PDPR: variants seen among roughly 807,000 people sequenced by gnomAD.
PDPR encodes pyruvate dehydrogenase phosphatase regulatory subunit.
Under a neutral mutation model 102.2 loss-of-function variants are expected in PDPR, and 50 were observed. That is an observed-to-expected ratio of 0.49 (90% CI 0.39 to 0.62). The LOEUF is 0.62. Among genes scored for constraint, PDPR ranks in the 20% least tolerant of loss-of-function variants. The pLI is 0.00. For synonymous variants in PDPR, 259 were observed against 406.0 expected (o/e 0.64, Z 4.35); for missense variants, 625 against 1,098.2 (o/e 0.57, Z 6.09).
At chr16:70,149,822 ACT>A (rs1966562670) in intron 17 of PDPR, among the ~76,000 whole-genome samples, 1 of 152,182 alleles carries the variant, frequency 6.6e-6, no homozygotes, top group African/African-American at 2.4e-5. Context: ...ACGGAGTCTC[ACT>A]CTGTCGCCCA....
chr16:70,142,190 A>G, intron 11 of PDPR, 44 bp from the exon 12 acceptor site: 1 of 1,599,762 alleles, frequency 6.3e-7, no homozygotes, highest in East Asian at 2.2e-5. Flanking sequence ...TCAGGTCTAG[A>G]ATCTGTGTCT....
intron 2 of PDPR, among the ~76,000 whole-genome samples, chr16:70,118,549 C>CT (rs1184854702): frequency 1.3e-5 from 2 of 152,214 alleles, no homozygotes; most frequent in Non-Finnish European, 2.9e-5. Context: ...CATTTGGCAG[C>CT]AGCAGTTCCC....
Position 70,156,510 on chromosome 16 carries a change from G to C in PDPR, c.2271G>C (p.Gln757His). 1 of 1,613,978 alleles carries C rather than the reference G, an allele frequency of 6.2e-7. No homozygotes were observed. Among genetic ancestry groups the C allele is most frequent in the Non-Finnish European group, 8.5e-7 (1 of 1,179,816 alleles). ...TCATTGGTCGCGACGCCCTCCTGCA[G>C]CAGAAGCAGAATGGAGTGTATAAAC... ...MDFIGRDALLQQKQNGVYKRL... is the reference protein window; with the variant it reads ...MDFIGRDALLHQKQNGVYKRL... The change falls in exon 19 of 19, where the codon CAG becomes CAC. Residue 757 changes from glutamine to histidine, a missense_variant. Gln to His is a conservative substitution (Grantham distance 24). Transcript: ENST00000288050.
At chr16:70,127,866 G>A (rs1176950396) in intron 4 of PDPR, among the ~76,000 whole-genome samples, 5 of 152,120 alleles carry the variant, frequency 3.3e-5, no homozygotes, top group Non-Finnish European at 7.3e-5. Flanking sequence ...GCAGGAGGCT[G>A]CCAGCTGGAG....
At chr16:70,139,638 A>G (rs1335720420) in intron 11 of PDPR, among the ~76,000 whole-genome samples, 1 of 152,266 alleles carries the variant, frequency 6.6e-6, no homozygotes, top group Non-Finnish European at 1.5e-5. Context: ...TGGCCACTTC[A>G]TCTTAATTTG....
intron 10 of PDPR, among the ~76,000 whole-genome samples, chr16:70,138,207 A>ATGTTTTTTTTTTTTTTTT: frequency 1.1e-5 from 1 of 94,044 alleles, no homozygotes; most frequent in East Asian, 3.5e-4. Context: ...ACGCCGGCTA[A>ATGTTTTTTTTTTTTTTTT]TTTTTTTTTT....
intron 9 of PDPR, among the ~76,000 whole-genome samples, chr16:70,134,275 G>T (rs1355764591): frequency 6.6e-6 from 1 of 151,912 alleles, no homozygotes. Context: ...GCCCAGGCTG[G>T]AGTGCAGTGG....
chr16:70,157,162 A>G lies in PDPR; in HGVS notation c.*283A>G, dbSNP rs1021461386. 4.7e-6 allele frequency: 3 copies of G among 641,776 alleles called. No individual in the cohort carries two copies. Among genetic ancestry groups the G allele is most frequent in the Non-Finnish European group, 8.6e-6 (3 of 349,520 alleles). The allele number at this position is 641,776 out of a possible 1,614,324, so 39.8% of individuals were successfully genotyped here. A position where few individuals can be genotyped will look rare whatever the true frequency, so the allele number is the denominator to read the frequency against. ...CAGGAGGTATGTCTGACAGGACAGA[A>G]GCAAGCTCCACTGTGGACATGAGTG... On this transcript the variant is annotated 3_prime_UTR_variant, in exon 19 of 19. Transcript: ENST00000288050.
At chr16:70,135,235 C>CTTTT in intron 9 of PDPR, among the ~76,000 whole-genome samples, 1 of 124,076 alleles carries the variant, frequency 8.1e-6, no homozygotes, top group African/African-American at 3.5e-5. Context: ...CAGAACATTG[C>CTTTT]CTTTTTTTTT....
intron 3 of PDPR, among the ~76,000 whole-genome samples, chr16:70,124,960 T>A (rs1405533133): frequency 6.6e-6 from 1 of 152,284 alleles, no homozygotes; most frequent in African/African-American, 2.4e-5. Context: ...ACTGGGTCTT[T>A]GGGCCCTAGC....
At position 70,120,176 on chromosome 16, in the gene PDPR, A is replaced by C. The variant is rs139936903; in HGVS notation, c.-32-285A>C. ...GTTATCCACTCGCCGCGGCCTCCCA[A>C]AGTGCTGGGATTACAGGTGTGAGCC... On this transcript the variant is annotated intron_variant, in intron 2 of 18. Transcript: ENST00000288050. 1.0e-4 allele frequency: 29 copies of C among 287,536 alleles called. 1 individual carries two copies. The highest frequency in any genetic ancestry group is 6.0e-4 in the African/African-American group (27 of 45,292). 17.8% of individuals were successfully genotyped at this position (287,536 alleles called of 1,614,324 possible).
Position 70,120,518 on chromosome 16 carries a change from T to C in PDPR, c.26T>C (p.Ile9Thr), listed in dbSNP as rs372545896. The C allele has an allele frequency of 3.2e-5, 51 of 1,613,898 alleles. No homozygotes were observed. Among genetic ancestry groups the C allele is most frequent in the Non-Finnish European group, 4.1e-5 (48 of 1,179,868 alleles). The change falls in exon 3 of 19, where the codon ATT becomes ACT. Residue 9 changes from isoleucine (I) to threonine (T), a missense_variant. Transcript: ENST00000288050. MMFYRLLSIVGRQRASPGW... is the reference protein window; with the variant it reads MMFYRLLSTVGRQRASPGW... ...ATGATGTTCTACCGGTTGCTGTCGA[T>C]TGTTGGAAGACAAAGAGCCAGCCCA...
rs899971279 is a variant in PDPR, at chr16:70,158,479, C to T, written c.*1600C>T. On this transcript the variant is annotated 3_prime_UTR_variant, in exon 19 of 19. Coordinates refer to ENST00000288050, the MANE Select transcript of PDPR (RefSeq NM_017990.5). ...GTGTTTCTTTGGGATCTCTGTTTACCCACTTACGCTGGCTCCTTCTAGACA... is the reference window on the plus strand; with the variant it reads ...GTGTTTCTTTGGGATCTCTGTTTACTCACTTACGCTGGCTCCTTCTAGACA... 1 of 153,470 alleles carries T rather than the reference C, an allele frequency of 6.5e-6. No individual in the cohort carries two copies. Among genetic ancestry groups the T allele is most frequent in the Non-Finnish European group, 1.5e-5 (1 of 68,548 alleles). The allele number at this position is 153,470 out of a possible 1,614,324, so 9.5% of individuals were successfully genotyped here. A position where few individuals can be genotyped will look rare whatever the true frequency, so the allele number is the denominator to read the frequency against.
Position 70,117,963 on chromosome 16 carries a change from C to T in PDPR, c.-32-2498C>T, listed in dbSNP as rs150437900. Among the ~76,000 whole-genome samples, 39 of 151,650 alleles carry T rather than the reference C, an allele frequency of 2.6e-4. No individual in the cohort carries two copies. In the East Asian group the frequency reaches 6.2e-3, roughly 24 times the overall value. On this transcript the variant is annotated intron_variant, in intron 2 of 18. Transcript: ENST00000288050. ...CAAAAAGTAACTGGGCGTGGTGGCG[C>T]GTGCTTGTAGTTCCAGCTGTTCAGG... is the stretch of plus-strand genomic sequence containing the variant.
intron 11 of PDPR, among the ~76,000 whole-genome samples, chr16:70,140,309 C>T (rs148914721): frequency 6.6e-6 from 1 of 152,238 alleles, no homozygotes; most frequent in Non-Finnish European, 1.5e-5. Context: ...CCACTGTGTA[C>T]TCCAGCCTGG....
At chr16:70,140,941 C>T (rs191478372) in intron 11 of PDPR, among the ~76,000 whole-genome samples, 1 of 152,284 alleles carries the variant, frequency 6.6e-6, no homozygotes, top group Non-Finnish European at 1.5e-5. Context: ...TGTCTCCCAA[C>T]CTCCCCAAGC....
rs1384283890 is a variant in PDPR at position 70,158,156 on chromosome 16, G to T, written c.*1277G>T. 6.6e-6 allele frequency: 1 copy of T among 152,506 alleles called. No homozygotes were observed. The allele number at this position is 152,506 out of a possible 1,614,324, so 9.4% of individuals were successfully genotyped here. ...TCCTCTGGAGCAGGAGACAATGTGG[G>T]TGCCCAGAAGTGCCCTGCGCTTTCA... On this transcript the variant is annotated 3_prime_UTR_variant, in exon 19 of 19. Transcript: ENST00000288050.
chr16:70,118,283 A>AGTGGGTCTATAGGAAGG, intron 2 of PDPR, among the ~76,000 whole-genome samples: 1 of 152,198 alleles, frequency 6.6e-6, no homozygotes, highest in Non-Finnish European at 1.5e-5. Flanking sequence ...TGCAGATGCA[A>AGTGGGTCTATAGGAAGG]GTGGGTCTAT....
Position 70,159,244 on chromosome 16 carries a change from C to G in PDPR, c.*2365C>G, listed in dbSNP as rs1021038134. 2.0e-5 allele frequency: 3 copies of G among 152,376 alleles called. No homozygotes were observed. The highest frequency in any genetic ancestry group is 4.8e-5 in the African/African-American group (2 of 41,478). 9.4% of individuals were successfully genotyped at this position (152,376 alleles called of 1,614,324 possible). A position where few individuals can be genotyped will look rare whatever the true frequency, so the allele number is the denominator to read the frequency against. On this transcript the variant is annotated 3_prime_UTR_variant, in exon 19 of 19. Transcript: ENST00000288050. ...GAAGTCAGGAAATCTGATGCTGTGT[C>G]CAAAATTATGCACTGTTTGTTGAAG... is the stretch of plus-strand genomic sequence containing the variant.
Sources: gnomAD v4.1 joint callset for allele counts (sites outside exome capture counted in the v4.1 genomes callset) on GRCh38, gnomAD v4.1.1 for gene constraint, MANE v1.5 for transcripts, NCBI Gene and HGNC (gene_info 2026-07-23, HGNC 2026-07-21) for gene names.